The following NAA30 variants were observed in gnomAD, a reference collection of about 807,000 sequenced individuals.
The protein encoded by NAA30 is N-alpha-acetyltransferase 30, NatC catalytic subunit.
Under a neutral mutation model 31.4 loss-of-function variants are expected in NAA30, and 5 were observed. That is an observed-to-expected ratio of 0.16 (90% confidence interval 0.08 to 0.33). The LOEUF is 0.33. Among genes scored for constraint, NAA30 ranks in the 10% least tolerant of loss-of-function variants. The pLI, the probability that NAA30 is intolerant of heterozygous loss-of-function variation, is 1.00. For synonymous variants in NAA30, 222 were observed against 207.1 expected, an observed-to-expected ratio of 1.07 and a Z score of -0.62; for missense variants, 428 against 490.8, an observed-to-expected ratio of 0.87 and a Z score of 1.21.
chr14:57,402,176 A>G (rs2066480104), intron 4 of NAA30, among the ~76,000 whole-genome samples: 1 of 152,230 alleles, frequency 6.6e-6, no homozygotes, highest in Admixed American at 6.5e-5. Flanking sequence ...TTTGCTTGTT[A>G]AAATACTTTA....
Position 57,409,521 on chromosome 14 carries a change from C to G in NAA30, c.*5C>G, listed in dbSNP as rs2066514297. On this transcript the variant is annotated 3_prime_UTR_variant, in exon 5 of 5. Coordinates refer to ENST00000556492, the MANE Select transcript of NAA30 (RefSeq NM_001011713.3). ...CTTAAACTGTGGCTGCGTTGAGAAA[C>G]TGACATCAAGGAACAACTATCATCC... 6 of 1,595,338 alleles carry G rather than the reference C, an allele frequency of 3.8e-6. No individual in the cohort carries two copies. The highest frequency in any genetic ancestry group is 2.3e-5 in the East Asian group (1 of 44,312).
chr14:57,406,536 A>C (rs1479111859), intron 4 of NAA30, among the ~76,000 whole-genome samples: 2 of 152,212 alleles, frequency 1.3e-5, no homozygotes, highest in African/African-American at 4.8e-5. Flanking sequence ...GGATAACCAC[A>C]TCAATTTCAT....
Position 57,414,485 on chromosome 14 carries a change from AT to A in NAA30, c.*4972del, listed in dbSNP as rs1309845076. 7 of 152,174 alleles carry A rather than the reference AT, an allele frequency of 4.6e-5. No individual in the cohort carries two copies. Among genetic ancestry groups the A allele is most frequent in the African/African-American group, 1.4e-4 (6 of 41,434 alleles). The allele number at this position is 152,174 out of a possible 1,614,324, so 9.4% of individuals were successfully genotyped here. On this transcript the variant is annotated 3_prime_UTR_variant, in exon 5 of 5. Coordinates refer to ENST00000556492, the MANE Select transcript of NAA30 (RefSeq NM_001011713.3). ...AGACTTACCTTTTTAGCCTTAAAAT[AT>A]TTGTATAGTTGGCTCTAATAATTTC...
At chr14:57,408,495 T>C (rs2066509421) in intron 4 of NAA30, among the ~76,000 whole-genome samples, 1 of 152,230 alleles carries the variant, frequency 6.6e-6, no homozygotes, top group Non-Finnish European at 1.5e-5. Flanking sequence ...CTTTGCTATA[T>C]AGACCAGTGG....
chr14:57,397,941 A>G (rs986515314), intron 3 of NAA30, among the ~76,000 whole-genome samples: 3 of 152,190 alleles, frequency 2.0e-5, no homozygotes, highest in African/African-American at 7.2e-5. Context: ...TCTATTCTCT[A>G]GGACCTAGTG....
rs776996863 is a variant in NAA30, at chr14:57,391,686, C to T, written c.729C>T (p.Thr243=). The T allele has an allele frequency of 2.4e-5, 38 of 1,612,996 alleles. No homozygotes were observed. The highest frequency in any genetic ancestry group is 7.7e-5 in the South Asian group (7 of 90,932). Residue 243 remains threonine (T), a synonymous_variant, in exon 2 of 5, where the codon ACC becomes ACT. Transcript: ENST00000556492. This position sits in a 1 kb window ranked among gnomAD's most constrained non-coding sequence, Gnocchi z 4.1. ...TGTCCGAACCCTACTCCATTTATAC[C>T]TATAGATATTTTATCCACAACTGGC... ...KDLSEPYSIY[T]YRYFIHNWPQ... is the part of the protein sequence containing the mutation.
rs1226585067 is a variant in NAA30 at position 57,413,931 on chromosome 14, A to G, written c.*4415A>G. The stretch of plus-strand genomic sequence containing the variant: ...AGATGTGTCCTTTTCACTCCCCAGT[A>G]TGGTAGTTACTAGTCACATGTGTAG... On this transcript the variant is annotated 3_prime_UTR_variant, in exon 5 of 5. Coordinates refer to ENST00000556492, the MANE Select transcript of NAA30 (RefSeq NM_001011713.3). 6.6e-6 allele frequency: 1 copy of G among 152,254 alleles called. No individual in the cohort carries two copies. The highest frequency in any genetic ancestry group is 1.5e-5 in the Non-Finnish European group (1 of 68,052). 9.4% of individuals were successfully genotyped at this position (152,254 alleles called of 1,614,324 possible). A position where few individuals can be genotyped will look rare whatever the true frequency, so the allele number is the denominator to read the frequency against.
chr14:57,404,572 A>G (rs2066490661), intron 4 of NAA30, among the ~76,000 whole-genome samples: 1 of 152,214 alleles, frequency 6.6e-6, no homozygotes, highest in Admixed American at 6.5e-5. Flanking sequence ...CTACCTTTCT[A>G]GCACGTTGTA....
At chr14:57,403,232 C>T (rs1488120688) in intron 4 of NAA30, among the ~76,000 whole-genome samples, 3 of 46,888 alleles carry the variant, frequency 6.4e-5, no homozygotes, top group Non-Finnish European at 1.3e-4. Context: ...GCTCCGTGGC[C>T]GGAAAAAAAA....
intron 4 of NAA30, among the ~76,000 whole-genome samples, chr14:57,400,868 G>GT (rs909056289): frequency 1.3e-5 from 2 of 150,324 alleles, no homozygotes; most frequent in African/African-American, 2.4e-5. Context: ...GTTTTTTGTT[G>GT]TTGTTTGTTG....
At chr14:57,396,699 T>A in intron 2 of NAA30, 53 bp from the exon 3 acceptor site, 1 of 1,596,404 alleles carries the variant, frequency 6.3e-7, no homozygotes, top group East Asian at 2.2e-5. Flanking sequence ...TCTGGATAAT[T>A]GTGCAGTACC....
Position 57,409,738 on chromosome 14 carries a change from C to A in NAA30, c.*222C>A. ...ACTTCAGGAGTTCTTTTGGTACCAA[C>A]AAGATGTGCCAGTTGATAGCCAAGA... On this transcript the variant is annotated 3_prime_UTR_variant, in exon 5 of 5. Coordinates refer to ENST00000556492, the MANE Select transcript of NAA30 (RefSeq NM_001011713.3). 2.6e-6 allele frequency: 1 copy of A among 390,472 alleles called. No individual in the cohort carries two copies. The highest frequency in any genetic ancestry group is 3.9e-5 in the East Asian group (1 of 25,544). The allele number at this position is 390,472 out of a possible 1,614,324, so 24.2% of individuals were successfully genotyped here.
chr14:57,397,643 G>C (rs2066456940), intron 3 of NAA30, among the ~76,000 whole-genome samples: 2 of 152,162 alleles, frequency 1.3e-5, no homozygotes, highest in South Asian at 4.1e-4. Flanking sequence ...TAGGCCACCA[G>C]GTGCCGGGTG....
At chr14:57,402,037 T>C (rs756383976) in intron 4 of NAA30, among the ~76,000 whole-genome samples, 1 of 152,256 alleles carries the variant, frequency 6.6e-6, no homozygotes, top group Non-Finnish European at 1.5e-5. Flanking sequence ...TACCTCTGTC[T>C]CTGGATTAGA....
chr14:57,411,100 T>C lies in NAA30; in HGVS notation c.*1584T>C, dbSNP rs2139768297. On this transcript the variant is annotated 3_prime_UTR_variant, in exon 5 of 5. Coordinates refer to ENST00000556492, the MANE Select transcript of NAA30 (RefSeq NM_001011713.3). Reference sequence around the variant, plus strand: ...TAAAGGAAAGCTGCTCTTTGCTCAGTATAGTGTTTTGAAAGTGAACATAGT... The same window carrying C: ...TAAAGGAAAGCTGCTCTTTGCTCAGCATAGTGTTTTGAAAGTGAACATAGT... 1 of 152,128 alleles carries C rather than the reference T, an allele frequency of 6.6e-6. No individual in the cohort carries two copies. Among genetic ancestry groups the C allele is most frequent in the East Asian group, 1.9e-4 (1 of 5,176 alleles). The allele number at this position is 152,128 out of a possible 1,614,324, so 9.4% of individuals were successfully genotyped here. A position where few individuals can be genotyped will look rare whatever the true frequency, so the allele number is the denominator to read the frequency against.
At position 57,391,834 on chromosome 14, in the gene NAA30, C is replaced by A; in HGVS notation, c.771+106C>A. ...GCAGTGGATATCTCCTGCTGCGTAT[C>A]ATAGTACGTTATATGATGTCAAGTG... On this transcript the variant is annotated intron_variant, in intron 2 of 4. Transcript: ENST00000556492. The surrounding 1 kb of genome is among the most constrained non-coding windows in gnomAD (Gnocchi z 4.1). 1.2e-6 allele frequency: 1 copy of A among 830,518 alleles called. No individual in the cohort carries two copies. The highest frequency in any genetic ancestry group is 1.6e-5 in the South Asian group (1 of 60,996). The allele number at this position is 830,518 out of a possible 1,614,324, so 51.4% of individuals were successfully genotyped here. A position where few individuals can be genotyped will look rare whatever the true frequency, so the allele number is the denominator to read the frequency against.
Position 57,391,099 on chromosome 14 carries a change from C to T in NAA30, c.142C>T (p.His48Tyr). The change falls in exon 2 of 5, where the codon CAC becomes TAC. Residue 48 changes from histidine (H) to tyrosine (Y), a missense_variant. By Grantham distance (83) the His-to-Tyr change is moderately conservative (BLOSUM62 2). This residue lies in a region of NAA30 where 349 missense variants were observed against 310.4 expected (regional missense o/e 1.12). Coordinates refer to ENST00000556492, the MANE Select transcript of NAA30 (RefSeq NM_001011713.3). This position sits in a 1 kb window ranked among gnomAD's most constrained non-coding sequence, Gnocchi z 4.1. Reference sequence around the variant, plus strand: ...CGAGGACGAGGAGGACGACGAAGAGCACGAAGGCGGCGGCAGCAGGAGCCC... The same window carrying T: ...CGAGGACGAGGAGGACGACGAAGAGTACGAAGGCGGCGGCAGCAGGAGCCC... ...CSEDEEDDEE[H>Y]EGGGSRSPAG... is the part of the protein sequence containing the mutation. 3.8e-6 allele frequency: 6 copies of T among 1,568,358 alleles called. No homozygotes were observed. Among genetic ancestry groups the T allele is most frequent in the Non-Finnish European group, 5.2e-6 (6 of 1,160,372 alleles).
Position 57,404,534 on chromosome 14 carries a change from TG to T in NAA30, c.951+4654del, listed in dbSNP as rs560458638. Among the ~76,000 whole-genome samples the T allele has an allele frequency of 2.2e-4, 33 of 152,258 alleles. 1 individual carries two copies. In the South Asian group the frequency reaches 5.6e-3, roughly 26 times the overall value. ...ACCGTAATGAACATTACAGAAAACT[TG>T]GGAAACAGAAGAAGAAAGTTCACTA... On this transcript the variant is annotated intron_variant, in intron 4 of 4. Transcript: ENST00000556492.
At position 57,391,482 on chromosome 14, in the gene NAA30, G is replaced by GGAA. The variant is rs765739184; in HGVS notation, c.527_528insAGA (p.Glu180dup). ...ATGGACTGGCCGAGGGCACCGAGCAGGAGGAGGAGGAGGAAGACGAGCAGG... is the reference window on the plus strand; with the variant it reads ...ATGGACTGGCCGAGGGCACCGAGCAGGAAGAGGAGGAGGAGGAAGACGAGCAGG... On this transcript the variant is annotated inframe_insertion, in exon 2 of 5. Transcript: ENST00000556492. The surrounding 1 kb of genome is among the most constrained non-coding windows in gnomAD (Gnocchi z 4.1). 6.3e-7 allele frequency: 1 copy of GGAA among 1,592,928 alleles called. No individual in the cohort carries two copies. Among genetic ancestry groups the GGAA allele is most frequent in the South Asian group, 1.1e-5 (1 of 90,240 alleles).
Sources: gnomAD v4.1 joint callset for allele counts (sites outside exome capture counted in the v4.1 genomes callset) on GRCh38, gnomAD v4.1.1 for gene constraint, gnomAD v4.1.1 regional missense constraint, Gnocchi (gnomAD v3.1) non-coding constraint, MANE v1.5 for transcripts, NCBI Gene and HGNC (gene_info 2026-07-23, HGNC 2026-07-21) for gene names.